Variants in FANCC observed in about 807,000 individuals in gnomAD.
FANCC encodes the protein Fanconi anemia group C protein.
A neutral mutation model predicts 71.3 loss-of-function variants in FANCC; 55 were observed. The ratio of observed to expected loss-of-function variants is 0.77; its 90% CI spans 0.62 to 0.97. The LOEUF (loss-of-function observed/expected upper bound fraction) is 0.97, where lower values mean the gene tolerates loss of function less well. FANCC is among the 50% of genes least tolerant of loss of function. The pLI, the probability that FANCC is intolerant of heterozygous loss-of-function variation, is 0.00. For missense variants in FANCC, 678 were observed against 670.9 expected (o/e 1.01, Z -0.12); for synonymous variants, 275 against 244.9 (o/e 1.12, Z -1.15).
chr9:95,222,821 T>G (rs1348796823), intron 4 of FANCC, among the ~76,000 whole-genome samples: 1 of 152,318 alleles, frequency 6.6e-6, no homozygotes, highest in East Asian at 1.9e-4. Flanking sequence ...GATGCATATA[T>G]ATTTCATACA....
chr9:95,126,690 G>T, intron 8 of FANCC, 109 bp from the exon 9 acceptor site: 3 of 1,113,030 alleles, frequency 2.7e-6, no homozygotes, highest in Non-Finnish European at 4.1e-6. Context: ...CCAGAAAACT[G>T]GCATACTCCT....
chr9:95,131,610 C>T (rs1483891105), intron 8 of FANCC, among the ~76,000 whole-genome samples: 2 of 152,174 alleles, frequency 1.3e-5, no homozygotes, highest in Non-Finnish European at 2.9e-5. Flanking sequence ...ACACATCAGC[C>T]AGCACTACTG....
chr9:95,306,950 T>C (rs2136395020), intron 1 of FANCC, among the ~76,000 whole-genome samples: 1 of 152,302 alleles, frequency 6.6e-6, no homozygotes, highest in Admixed American at 6.5e-5. Context: ...CATAGCTCAC[T>C]GCACCCTCAA....
chr9:95,178,545 T>C (rs941754244), intron 4 of FANCC, among the ~76,000 whole-genome samples: 2 of 152,250 alleles, frequency 1.3e-5, no homozygotes, highest in Admixed American at 6.5e-5. Context: ...TGAGTCCCTC[T>C]GTGCTAAGGA....
Position 95,100,635 on chromosome 9 carries a change from C to G in FANCC, c.*1072G>C, listed in dbSNP as rs1172260736. 8.7e-6 allele frequency: 2 copies of G among 229,974 alleles called. No individual in the cohort carries two copies. Among genetic ancestry groups the G allele is most frequent in the East Asian group, 1.2e-4 (2 of 16,160 alleles). The allele number at this position is 229,974 out of a possible 1,614,324, so 14.2% of individuals were successfully genotyped here. The stretch of plus-strand genomic sequence containing the variant: ...AATGTTAACCTTGAGATTACACTAA[C>G]AATGCCTTTTTTTAAGAGATGGTCT... On this transcript the variant is annotated 3_prime_UTR_variant, in exon 15 of 15. Transcript: ENST00000289081.
At chr9:95,201,653 G>C (rs1827813387) in intron 4 of FANCC, among the ~76,000 whole-genome samples, 1 of 152,138 alleles carries the variant, frequency 6.6e-6, no homozygotes, top group Non-Finnish European at 1.5e-5. Flanking sequence ...ACAAAATGTA[G>C]GGAAAAAAAT....
intron 1 of FANCC, among the ~76,000 whole-genome samples, chr9:95,308,893 A>T (rs982547428): frequency 6.6e-6 from 1 of 152,156 alleles, no homozygotes; most frequent in African/African-American, 2.4e-5. Context: ...CTGTAGTCCC[A>T]GCTACTCAGG....
intron 1 of FANCC, among the ~76,000 whole-genome samples, chr9:95,251,339 G>A (rs1028357167): frequency 6.6e-6 from 1 of 151,666 alleles, no homozygotes; most frequent in African/African-American, 2.4e-5. Context: ...TTTTTTAGAC[G>A]AAGTCTCACT....
rs539574312 is a variant in FANCC at position 95,108,806 on chromosome 9, A to G, written c.1330-1537T>C. 5.9e-4 allele frequency among the ~76,000 whole-genome samples: 90 copies of G among 152,224 alleles called. 1 individual carries two copies. The highest frequency in any genetic ancestry group is 5.3e-3 in the Admixed American group (81 of 15,300). ...TGTCTTTTTTCTACGCACTGAGACC[A>G]TACCACTCACTACACATAATGCCTT... On this transcript the variant is annotated intron_variant, in intron 13 of 14. Transcript: ENST00000289081.
In FANCC at chr9:95,281,988, G is replaced by GA. The variant is rs557096594; in HGVS notation, c.-78-32620dup. ...ACTTAACCTCAAAGGAAGAAAGAAA[G>GA]AAAAAAAGAATCTACAAAACTAGAA... On this transcript the variant is annotated intron_variant, in intron 1 of 14. Transcript: ENST00000289081. Among the ~76,000 whole-genome samples the GA allele has an allele frequency of 1.1e-4, 16 of 150,752 alleles. No individual in the cohort carries two copies. The East Asian group carries it at 2.5e-3, about 24-fold the overall frequency.
At chr9:95,212,307 A>T (rs1439845004) in intron 4 of FANCC, among the ~76,000 whole-genome samples, 1 of 152,208 alleles carries the variant, frequency 6.6e-6, no homozygotes, top group Non-Finnish European at 1.5e-5. Flanking sequence ...CCATACCATG[A>T]TACATCATAA....
chr9:95,139,316 C>T (rs556251244), intron 7 of FANCC, among the ~76,000 whole-genome samples: 3 of 152,248 alleles, frequency 2.0e-5, no homozygotes, highest in East Asian at 1.9e-4. Flanking sequence ...GCAGAGGGTG[C>T]GTCTCCTCAC....
rs2134383746 is a variant in FANCC, at chr9:95,101,838, C to T, written c.1546G>A (p.Ala516Thr). 1 of 1,613,988 alleles carries T rather than the reference C, an allele frequency of 6.2e-7. No homozygotes were observed. Among genetic ancestry groups the T allele is most frequent in the Non-Finnish European group, 8.5e-7 (1 of 1,179,960 alleles). Residue 516 changes from alanine (A) to threonine (T), a missense_variant, in exon 15 of 15, where the codon GCT becomes ACT. By Grantham distance (58) the Ala-to-Thr change is moderately conservative. Transcript: ENST00000289081. ...CCAATGATCTCGTGAGTTATCTCAG[C>T]AGTGTGAGCCATCTGCAATCAGGAC... Reference protein sequence around the residue: ...WDVITLMAHTAEITHEIIGFL... With the variant: ...WDVITLMAHTTEITHEIIGFL...
chr9:95,240,829 C>T (rs1465520534), intron 3 of FANCC, 86 bp from the exon 4 acceptor site: 1 of 786,002 alleles, frequency 1.3e-6, no homozygotes, highest in Non-Finnish European at 2.2e-6. Context: ...TTAGGAAAAT[C>T]TCAAACTACT....
intron 13 of FANCC, chr9:95,111,257 T>C: frequency 6.5e-7 from 1 of 1,544,308 alleles, no homozygotes; most frequent in South Asian, 1.2e-5. Context: ...CAGCGTCTCG[T>C]CTCTGGCCAC....
At chr9:95,197,670 C>T (rs1827542754) in intron 4 of FANCC, among the ~76,000 whole-genome samples, 1 of 152,190 alleles carries the variant, frequency 6.6e-6, no homozygotes. Context: ...CCCTCACAGT[C>T]TGCAGGAATC....
chr9:95,293,145 T>C (rs1156418588), intron 1 of FANCC: 1 of 1,613,006 alleles, frequency 6.2e-7, no homozygotes, highest in Non-Finnish European at 8.5e-7. Flanking sequence ...AACCATCTTT[T>C]GAAGACTCTT....
intron 1 of FANCC, among the ~76,000 whole-genome samples, chr9:95,252,295 G>A (rs200509796): frequency 0.012 from 1,109 of 93,632 alleles, 1 homozygote; most frequent in East Asian, 0.04. Context: ...AAAAAAAAAA[G>A]AAAAAAAAAA....
chr9:95,193,434 A>T (rs1363855957), intron 4 of FANCC, among the ~76,000 whole-genome samples: 1 of 152,178 alleles, frequency 6.6e-6, no homozygotes. Flanking sequence ...ATGCTGTGGT[A>T]ACAGGAGCCG....
Sources: gnomAD v4.1 joint callset for allele counts (sites outside exome capture counted in the v4.1 genomes callset) on GRCh38, gnomAD v4.1.1 for gene constraint, MANE v1.5 for transcripts, NCBI Gene and HGNC (gene_info 2026-07-23, HGNC 2026-07-21) for gene names.